Variants in ELF4 observed in about 807,000 individuals in gnomAD.
The protein encoded by ELF4 is E74 like ETS transcription factor 4.
A neutral mutation model predicts 31.7 loss-of-function variants in ELF4; 10 were observed. The ratio of observed to expected loss-of-function variants is 0.32; its 90% confidence interval spans 0.19 to 0.54. The LOEUF is 0.54. Among genes scored for constraint, ELF4 ranks in the 20% least tolerant of loss-of-function variants. The probability of loss-of-function intolerance (pLI) is 0.95; values close to 1 mark genes in which losing one functional copy is unlikely to be tolerated. For missense variants in ELF4, 418 were observed against 522.0 expected, an observed-to-expected ratio of 0.80 and a Z score of 1.94; for synonymous variants, 208 against 226.7, an observed-to-expected ratio of 0.92 and a Z score of 0.74.
chrX:130,080,423 C>CA (rs3077212), intron 2 of ELF4, among the ~76,000 whole-genome samples: 2,100 of 56,287 alleles, frequency 0.037, 51 homozygotes, highest in African/African-American at 0.06. Flanking sequence ...GACTTCGTTT[C>CA]AAAAAAAAAA....
At chrX:130,103,232 G>T (rs1245730029) in intron 1 of ELF4, among the ~76,000 whole-genome samples, 1 of 112,256 alleles carries the variant, frequency 8.9e-6, no homozygotes, top group Non-Finnish European at 1.9e-5. Context: ...AAGACACTGA[G>T]AAGGGGATTA....
chrX:130,102,051 CAGG>C (rs894607957), intron 1 of ELF4, among the ~76,000 whole-genome samples: 5 of 111,564 alleles, frequency 4.5e-5, no homozygotes, highest in African/African-American at 1.6e-4. Flanking sequence ...GAGGCTGAGG[CAGG>C]AGAATTGCTT....
In ELF4 at chrX:130,065,487, A is replaced by C. The variant is rs765770534; in HGVS notation, c.*1234T>G. 9.2e-4 allele frequency: 161 copies of C among 174,302 alleles called. No homozygotes were observed. The highest frequency in any genetic ancestry group is 1.2e-3 in the Non-Finnish European group (108 of 91,371). 14.4% of individuals were successfully genotyped at this position (174,302 alleles called of 1,213,427 possible). A position where few individuals can be genotyped will look rare whatever the true frequency, so the allele number is the denominator to read the frequency against. On this transcript the variant is annotated 3_prime_UTR_variant, in exon 9 of 9. Coordinates refer to ENST00000308167, the MANE Select transcript of ELF4 (RefSeq NM_001421.4). ...GAGATGAGGGGCATTGGTACACCCA[A>C]GGAGGTCTGCTGCAGTCATCACAGA...
intron 4 of ELF4, among the ~76,000 whole-genome samples, chrX:130,073,334 G>A (rs1330297460): frequency 6.3e-5 from 7 of 110,878 alleles, no homozygotes; most frequent in Non-Finnish European, 1.3e-4. Flanking sequence ...TATTCCACCC[G>A]CCTCAGCCTC....
At chrX:130,078,306 G>A (rs904734542) in intron 2 of ELF4, among the ~76,000 whole-genome samples, 7 of 87,988 alleles carry the variant, frequency 8.0e-5, no homozygotes, top group East Asian at 3.9e-4. Flanking sequence ...TCGGCCTCCC[G>A]AAGTGCTGGG....
chrX:130,081,183 C>T, intron 2 of ELF4, 73 bp downstream of exon 2: 1 of 1,135,143 alleles, frequency 8.8e-7, no homozygotes, highest in African/African-American at 1.8e-5. Context: ...GGCTCCCTGG[C>T]TGTCTGCCTG....
chrX:130,067,420 C>T lies in ELF4; in HGVS notation c.1293G>A (p.Gly431=), dbSNP rs751265247. 1 of 1,212,084 alleles carries T rather than the reference C, an allele frequency of 8.3e-7. No individual in the cohort carries two copies. The highest frequency in any genetic ancestry group is 2.2e-5 in the Admixed American group (1 of 46,087). Residue 431 remains glycine (G), a synonymous_variant, in exon 9 of 9, where the codon GGG becomes GGA. Coordinates refer to ENST00000308167, the MANE Select transcript of ELF4 (RefSeq NM_001421.4). ...TGGGAGCAGTAGTACTGGCAGGAGG[C>T]CCATTGGTCAGCACCGTGGTCAGTG... ...TIPLTTVLTN[G]PPASTTAPTQ...
Position 130,068,223 on chromosome X carries a change from G to A in ELF4, c.1188-698C>T, listed in dbSNP as rs139350866. 9.1e-3 allele frequency among the ~76,000 whole-genome samples: 1,022 copies of A among 112,543 alleles called. 9 individuals carry two copies. The highest frequency in any genetic ancestry group is 0.031 in the African/African-American group (970 of 31,019). The stretch of plus-strand genomic sequence containing the variant: ...TGAAAACAGCCCACAAGTGGGATAA[G>A]AACAATCTGATTTTACAGCTTGAGG... On this transcript the variant is annotated intron_variant, in intron 8 of 8. Coordinates refer to ENST00000308167, the MANE Select transcript of ELF4 (RefSeq NM_001421.4).
intron 1 of ELF4, among the ~76,000 whole-genome samples, chrX:130,083,560 T>C (rs1056094499): frequency 9.0e-6 from 1 of 111,415 alleles, no homozygotes; most frequent in Admixed American, 9.6e-5. Context: ...GCCCTTCCCT[T>C]CGGGCTTGCT....
intron 1 of ELF4, among the ~76,000 whole-genome samples, chrX:130,100,370 A>G (rs772165348): frequency 9.0e-6 from 1 of 111,223 alleles, no homozygotes; most frequent in African/African-American, 3.3e-5. Context: ...TTATGGTCCA[A>G]ACTCATCTGC....
In ELF4 at chrX:130,065,616, G is replaced by C. The variant is rs1171458653; in HGVS notation, c.*1105C>G. The C allele has an allele frequency of 1.1e-5, 2 of 174,615 alleles. No homozygotes were observed. Among genetic ancestry groups the C allele is most frequent in the African/African-American group, 5.9e-5 (2 of 34,071 alleles). 14.4% of individuals were successfully genotyped at this position (174,615 alleles called of 1,213,427 possible). Reference sequence around the variant, plus strand: ...CAGGAATGGGGGTGGACCCCATCTAGGTCGCTGCCGGACTAGCCGCAGTGA... The same window carrying C: ...CAGGAATGGGGGTGGACCCCATCTACGTCGCTGCCGGACTAGCCGCAGTGA... On this transcript the variant is annotated 3_prime_UTR_variant, in exon 9 of 9. Transcript: ENST00000308167.
chrX:130,064,447 A>G lies in ELF4; in HGVS notation c.*2274T>C, dbSNP rs1485021254. On this transcript the variant is annotated 3_prime_UTR_variant, in exon 9 of 9. Transcript: ENST00000308167. Reference sequence around the variant, plus strand: ...GACTCTGACTCAAAAACAAACGAACAAACAAAAACATTGTTGATAGAGGGG... The same window carrying G: ...GACTCTGACTCAAAAACAAACGAACGAACAAAAACATTGTTGATAGAGGGG... Among the ~76,000 whole-genome samples the G allele has an allele frequency of 1.8e-5, 2 of 112,225 alleles. No individual in the cohort carries two copies. The highest frequency in any genetic ancestry group is 2.8e-4 in the East Asian group (1 of 3,591).
Position 130,066,935 on chromosome X carries a change from A to G in ELF4, c.1778T>C (p.Leu593Pro), listed in dbSNP as rs781230081. 8.3e-7 allele frequency: 1 copy of G among 1,212,097 alleles called. No individual in the cohort carries two copies. The highest frequency in any genetic ancestry group is 1.1e-6 in the Non-Finnish European group (1 of 895,585). ...VVSRGSHNPS[L>P]LGNQTLSPPS... ...AGGAGACAAAGTCTGGTTGCCCAGA[A>G]GGCTCGGATTGTGGGAACCCCTGGA... Residue 593 changes from leucine to proline, a missense_variant, in exon 9 of 9, where the codon CTT becomes CCT. Physicochemically the swap from Leu to Pro is moderately conservative, Grantham distance 98 (BLOSUM62 -3). Coordinates refer to ENST00000308167, the MANE Select transcript of ELF4 (RefSeq NM_001421.4).
intron 1 of ELF4, among the ~76,000 whole-genome samples, chrX:130,105,854 C>CTGTGTGTGTG (rs60216838): frequency 2.0e-4 from 17 of 86,492 alleles, no homozygotes; most frequent in East Asian, 1.2e-3. Flanking sequence ...CCCCAGGGGC[C>CTGTGTGTGTG]TGTGTGTGTG....
intron 1 of ELF4, among the ~76,000 whole-genome samples, chrX:130,092,019 C>A (rs1466684597): frequency 8.9e-6 from 1 of 112,306 alleles, no homozygotes; most frequent in South Asian, 3.7e-4. Context: ...CCCTTCCCGT[C>A]TGCTGACCTT....
At chrX:130,080,423 CAAAAAA>C (rs3077212) in intron 2 of ELF4, among the ~76,000 whole-genome samples, 2 of 56,366 alleles carry the variant, frequency 3.5e-5, no homozygotes, top group African/African-American at 6.6e-5. Context: ...GACTTCGTTT[CAAAAAA>C]AAAAAAAAAA....
In ELF4 at chrX:130,071,395, C is replaced by T. The variant is rs768248298; in HGVS notation, c.557G>A (p.Ser186Asn). Reference sequence around the variant, plus strand: ...GCTGGGGTCAGTGACAGGTGAGGTACTTCGGTTGCCCTTGGTCTTCCGGAC... The same window carrying T: ...GCTGGGGTCAGTGACAGGTGAGGTATTTCGGTTGCCCTTGGTCTTCCGGAC... ...KRIRKTKGNR[S>N]TSPVTDPSIP... Residue 186 changes from serine (S) to asparagine (N), a missense_variant, in exon 6 of 9, where the codon AGT becomes AAT. Physicochemically the swap from Ser to Asn is conservative, Grantham distance 46. Around this residue, in one of 4 missense-constraint regions of ELF4, gnomAD observed 88 missense variants for 92.4 expected, o/e 0.95. Coordinates refer to ENST00000308167, the MANE Select transcript of ELF4 (RefSeq NM_001421.4). The T allele has an allele frequency of 8.3e-7, 1 of 1,211,793 alleles. No homozygotes were observed. Among genetic ancestry groups the T allele is most frequent in the South Asian group, 1.8e-5 (1 of 57,004 alleles).
intron 1 of ELF4, among the ~76,000 whole-genome samples, chrX:130,105,854 C>CTG (rs60216838): frequency 0.046 from 3,955 of 86,426 alleles, 119 homozygotes; most frequent in East Asian, 0.11. Context: ...CCCCAGGGGC[C>CTG]TGTGTGTGTG....
chrX:130,101,801 A>AAAAC (rs1933264194), intron 1 of ELF4, among the ~76,000 whole-genome samples: 1 of 97,339 alleles, frequency 1.0e-5, no homozygotes, highest in African/African-American at 4.2e-5. Context: ...CTCCGTCTCA[A>AAAAC]AAAACAAAAC....
Sources: allele counts gnomAD v4.1 joint callset (sites outside exome capture counted in the v4.1 genomes callset), GRCh38; gene constraint gnomAD v4.1.1; regional missense constraint gnomAD v4.1.1; transcripts MANE v1.5; gene names NCBI Gene and HGNC (gene_info 2026-07-23, HGNC 2026-07-21).